FGF13: variants seen among roughly 807,000 people sequenced by gnomAD.
FGF13 encodes the protein fibroblast growth factor homologous factor 2.
FGF13 carries 2 observed loss-of-function variants against 19.5 expected under a neutral mutation model. The ratio of observed to expected loss-of-function variants is 0.10; its 90% CI spans 0.04 to 0.32. The LOEUF is 0.32. Ranked by LOEUF, FGF13 falls within the 10% of genes least tolerant of loss-of-function variation. FGF13 has a pLI of 1.00. For missense variants in FGF13, 113 were observed against 192.7 expected (o/e 0.59, Z 2.45); for synonymous variants, 72 against 76.9 (o/e 0.94, Z 0.33).
chrX:138,819,553 G>A (rs1373103407), intron 3 of FGF13, among the ~76,000 whole-genome samples: 2 of 111,321 alleles, frequency 1.8e-5, no homozygotes, highest in African/African-American at 3.3e-5. Context: ...ATTCATAAAT[G>A]TATGGCTCAA....
At chrX:138,754,156 G>C (rs781668204) in intron 3 of FGF13, among the ~76,000 whole-genome samples, 1 of 111,805 alleles carries the variant, frequency 8.9e-6, no homozygotes, top group Non-Finnish European at 1.9e-5. Context: ...TTCTTATCAA[G>C]GAGTGTGCGA....
intron 1 of FGF13, among the ~76,000 whole-genome samples, chrX:138,992,617 A>G (rs1004228729): frequency 4.5e-5 from 5 of 111,591 alleles, no homozygotes; most frequent in African/African-American, 1.3e-4. Context: ...ACTAATAAAA[A>G]TAAATAATTG....
At chrX:139,165,372 G>A (rs1016397229) in intron 1 of FGF13, among the ~76,000 whole-genome samples, 2 of 112,043 alleles carry the variant, frequency 1.8e-5, no homozygotes, top group Non-Finnish European at 3.8e-5. Flanking sequence ...GGAACAGAAA[G>A]ATTTGGAAAA....
At chrX:139,180,854 C>T (rs2084232694) in intron 1 of FGF13, among the ~76,000 whole-genome samples, 2 of 111,992 alleles carry the variant, frequency 1.8e-5, no homozygotes, top group Admixed American at 9.5e-5. Context: ...ATCTGTGTTG[C>T]TCTCAGGTGC....
At chrX:138,866,662 G>A (rs1472652342) in intron 1 of FGF13, among the ~76,000 whole-genome samples, 1 of 111,078 alleles carries the variant, frequency 9.0e-6, no homozygotes, top group Non-Finnish European at 1.9e-5. Context: ...AAGATGAGAT[G>A]ATAGCTAGGG....
chrX:138,829,867 C>A (rs939540098), intron 3 of FGF13, among the ~76,000 whole-genome samples: 19 of 111,502 alleles, frequency 1.7e-4, no homozygotes, highest in Non-Finnish European at 7.5e-5. Flanking sequence ...CAGGTGTGTG[C>A]CACAATGCTT....
intron 1 of FGF13, among the ~76,000 whole-genome samples, chrX:139,000,763 G>A (rs1006562049): frequency 9.0e-6 from 1 of 111,730 alleles, no homozygotes; most frequent in Non-Finnish European, 1.9e-5. Flanking sequence ...TACTGCCCAA[G>A]GTAATTTACA....
chrX:138,698,631 C>T (rs1245297175), intron 3 of FGF13, among the ~76,000 whole-genome samples: 1 of 111,264 alleles, frequency 9.0e-6, no homozygotes, highest in Non-Finnish European at 1.9e-5. Context: ...GGGGAGCTTT[C>T]GAAAATATTC....
rs758048219 is a variant in FGF13, at chrX:138,960,034, A to T, written c.-112-95384T>A. Among the ~76,000 whole-genome samples, 179 of 111,884 alleles carry T rather than the reference A, an allele frequency of 1.6e-3. 1 individual carries two copies. Among genetic ancestry groups the T allele is most frequent in the Non-Finnish European group, 2.0e-3 (108 of 53,230 alleles). On this transcript the variant is annotated intron_variant, in intron 1 of 2. Transcript: ENST00000421460. ...TAGCCCATTTACATTTAAGGTTAATATTGTTATGTGTGAATTTGATCCTGT... is the reference window on the plus strand; with the variant it reads ...TAGCCCATTTACATTTAAGGTTAATTTTGTTATGTGTGAATTTGATCCTGT...
chrX:139,123,366 G>T (rs2124473473), intron 1 of FGF13, among the ~76,000 whole-genome samples: 1 of 111,493 alleles, frequency 9.0e-6, no homozygotes, highest in Non-Finnish European at 1.9e-5. Flanking sequence ...CTTAAACCTT[G>T]TCTCCTGCCA....
intron 1 of FGF13, among the ~76,000 whole-genome samples, chrX:138,944,280 A>T (rs2091772141): frequency 9.0e-6 from 1 of 111,085 alleles, no homozygotes; most frequent in African/African-American, 3.3e-5. Context: ...GTCCACAAAG[A>T]TTATAAGAAG....
chrX:139,175,905 G>C, intron 1 of FGF13, among the ~76,000 whole-genome samples: 1 of 112,051 alleles, frequency 8.9e-6, no homozygotes, highest in East Asian at 2.8e-4. Flanking sequence ...GCAGGATGAT[G>C]CTGACCTCAT....
intron 1 of FGF13, among the ~76,000 whole-genome samples, chrX:139,111,785 C>T (rs1319266209): frequency 2.7e-5 from 3 of 111,956 alleles, no homozygotes; most frequent in African/African-American, 6.5e-5. Flanking sequence ...TCTGTACTGC[C>T]GGAAAATGAG....
chrX:138,856,929 T>C (rs2091260918), downstream of FGF13, among the ~76,000 whole-genome samples: 1 of 111,753 alleles, frequency 8.9e-6, no homozygotes, highest in South Asian at 3.8e-4. Flanking sequence ...TCCAAACCTG[T>C]ACTTGAGCTG....
chrX:138,692,441 T>TA (rs1025923729), intron 3 of FGF13, among the ~76,000 whole-genome samples: 2 of 106,538 alleles, frequency 1.9e-5, no homozygotes, highest in Non-Finnish European at 3.9e-5. Context: ...AACGAGGAGA[T>TA]AGAGACTAAA....
rs772499738 is a variant in FGF13 at position 138,627,720 on chromosome X, T to G, written c.*5130A>C. 3.7e-5 allele frequency: 4 copies of G among 109,055 alleles called. No homozygotes were observed. The highest frequency in any genetic ancestry group is 5.7e-5 in the Non-Finnish European group (3 of 52,649). The allele number at this position is 109,055 out of a possible 1,213,427, so 9.0% of individuals were successfully genotyped here. A position where few individuals can be genotyped will look rare whatever the true frequency, so the allele number is the denominator to read the frequency against. ...ACTAATATAAAATGAGAAACTGAAT[T>G]GACATTTGGTTAGTTTACAATTCTA... On this transcript the variant is annotated 3_prime_UTR_variant, in exon 5 of 5. Transcript: ENST00000315930.
chrX:138,780,239 G>C (rs1296438524), intron 3 of FGF13, among the ~76,000 whole-genome samples: 1 of 108,245 alleles, frequency 9.2e-6, no homozygotes, highest in Non-Finnish European at 1.9e-5. Flanking sequence ...ATCGAGACTA[G>C]GAAGAAACTG....
At chrX:138,709,950 T>G (rs1413738959) in intron 1 of FGF13, among the ~76,000 whole-genome samples, 1 of 111,488 alleles carries the variant, frequency 9.0e-6, no homozygotes, top group Non-Finnish European at 1.9e-5. Flanking sequence ...TGACTCTTAT[T>G]TTTTTTGTAA....
chrX:139,041,941 T>C (rs2124404178), intron 1 of FGF13, among the ~76,000 whole-genome samples: 1 of 112,307 alleles, frequency 8.9e-6, no homozygotes, highest in Admixed American at 9.4e-5. Flanking sequence ...TGCATTCTTC[T>C]GTCAAAAATA....
Sources: allele counts gnomAD v4.1 joint callset (sites outside exome capture counted in the v4.1 genomes callset), GRCh38; gene constraint gnomAD v4.1.1; transcripts MANE v1.5; gene names NCBI Gene and HGNC (gene_info 2026-07-23, HGNC 2026-07-21).